Variants in COL5A2 observed in about 807,000 individuals in gnomAD.
The protein encoded by COL5A2 is collagen alpha-2(V) chain.
Under a neutral mutation model 208.2 loss-of-function variants are expected in COL5A2, and 23 were observed. That is an observed-to-expected ratio of 0.11 (90% CI 0.08 to 0.16). The LOEUF is 0.16. Among genes scored for constraint, COL5A2 ranks in the 10% least tolerant of loss-of-function variants. The probability of loss-of-function intolerance (pLI) is 1.00; values close to 1 mark genes in which losing one functional copy is unlikely to be tolerated. For synonymous variants in COL5A2, 625 were observed against 628.5 expected, an observed-to-expected ratio of 0.99 and a Z score of 0.08; for missense variants, 1,590 against 1,956.4, an observed-to-expected ratio of 0.81 and a Z score of 3.53.
the COL5A2 span, among the ~76,000 whole-genome samples, chr2:189,270,904 C>T: frequency 7.2e-5 from 11 of 152,062 alleles, no homozygotes; most frequent in African/African-American, 9.7e-5. Context: ...CTCTCATTCA[C>T]AATTGCTACA....
chr2:189,339,322 G>A, the COL5A2 span, among the ~76,000 whole-genome samples: 2 of 147,060 alleles, frequency 1.4e-5, no homozygotes. Flanking sequence ...CTGCACTCCA[G>A]CCTATACAAC....
At chr2:189,266,596 T>C in the COL5A2 span, among the ~76,000 whole-genome samples, 4 of 152,038 alleles carry the variant, frequency 2.6e-5, no homozygotes, top group Admixed American at 2.6e-4. Flanking sequence ...AGTAGATTAG[T>C]GGTTGTTAGA....
the COL5A2 span, among the ~76,000 whole-genome samples, chr2:189,287,759 G>T: frequency 6.6e-6 from 1 of 152,130 alleles, no homozygotes; most frequent in Non-Finnish European, 1.5e-5. Flanking sequence ...ATCTAAAAAT[G>T]TTATATTCTA....
At chr2:189,252,174 C>T in the COL5A2 span, among the ~76,000 whole-genome samples, 86 of 152,118 alleles carry the variant, frequency 5.7e-4, 5 homozygotes, top group Non-Finnish European at 1.5e-5. Flanking sequence ...GGACTGTAAA[C>T]TAGTTCAACC....
chr2:189,384,728 C>T, the COL5A2 span, among the ~76,000 whole-genome samples: 1 of 152,210 alleles, frequency 6.6e-6, no homozygotes, highest in East Asian at 1.9e-4. Flanking sequence ...GTTTCCTTTG[C>T]TGTGGAGTAT....
At chr2:189,140,799 A>G (rs1687920452) in intron 1 of COL5A2, among the ~76,000 whole-genome samples, 1 of 152,174 alleles carries the variant, frequency 6.6e-6, no homozygotes, top group South Asian at 2.1e-4. Context: ...AGTAAGTAAT[A>G]TATTTTTCTA....
chr2:189,263,359 T>C, the COL5A2 span, among the ~76,000 whole-genome samples: 3 of 152,248 alleles, frequency 2.0e-5, no homozygotes, highest in Middle Eastern at 3.4e-3. Context: ...ATGTGTGCCA[T>C]TACAAATACA....
At chr2:189,330,160 C>T in the COL5A2 span, among the ~76,000 whole-genome samples, 6 of 152,170 alleles carry the variant, frequency 3.9e-5, no homozygotes, top group South Asian at 2.1e-4. Flanking sequence ...GTGTAGCAAA[C>T]GGCAGGGGCA....
chr2:189,264,896 G>A, the COL5A2 span, among the ~76,000 whole-genome samples: 1 of 152,086 alleles, frequency 6.6e-6, no homozygotes, highest in East Asian at 1.9e-4. Context: ...GCTGAAGTGT[G>A]AAAGAAAAAT....
At chr2:189,285,759 A>T in the COL5A2 span, among the ~76,000 whole-genome samples, 1 of 152,292 alleles carries the variant, frequency 6.6e-6, no homozygotes, top group African/African-American at 2.4e-5. Flanking sequence ...CCCTGAAGAG[A>T]TGCCTTTGAT....
the COL5A2 span, among the ~76,000 whole-genome samples, chr2:189,231,186 G>A: frequency 3.3e-5 from 5 of 149,686 alleles, no homozygotes; most frequent in Admixed American, 1.3e-4. Flanking sequence ...GGGAAAATGA[G>A]GAGTTTCTTT....
intron 1 of COL5A2, among the ~76,000 whole-genome samples, chr2:189,138,915 A>T (rs1687877880): frequency 6.6e-6 from 1 of 152,246 alleles, no homozygotes; most frequent in African/African-American, 2.4e-5. Flanking sequence ...AAAATAGAAT[A>T]GGACAAATCT....
intron 41 of COL5A2, among the ~76,000 whole-genome samples, 167 bp from the exon 42 acceptor site, chr2:189,051,648 A>T (rs1048554100): frequency 1.7e-5 from 2 of 119,248 alleles, no homozygotes; most frequent in Non-Finnish European, 3.8e-5. Flanking sequence ...AAAACAAAAG[A>T]AAACACAGCT....
intron 45 of COL5A2, among the ~76,000 whole-genome samples, chr2:189,047,779 T>G (rs1216088656): frequency 2.0e-5 from 3 of 152,200 alleles, no homozygotes; most frequent in Non-Finnish European, 4.4e-5. Flanking sequence ...ACATTCTAAT[T>G]TAAAACACAT....
Position 189,066,752 on chromosome 2 carries a change from C to T in COL5A2, c.1432G>A (p.Glu478Lys), listed in dbSNP as rs1435106592. Residue 478 changes from glutamate (E) to lysine (K), a missense_variant, in exon 22 of 54, where the codon GAA becomes AAA. Transcript: ENST00000374866. ...ACTGGTTCCCCTTTTGGGCCAGCTT[C>T]TCCTTTGAAACCTGGAACTCCTGGA... ...GDPGVPGFKG[E>K]AGPKGEPGPH... is the part of the protein sequence containing the mutation. The T allele has an allele frequency of 1.2e-6, 2 of 1,613,698 alleles. No individual in the cohort carries two copies. Among genetic ancestry groups the T allele is most frequent in the African/African-American group, 1.3e-5 (1 of 75,006 alleles).
intron 31 of COL5A2, among the ~76,000 whole-genome samples, chr2:189,060,142 C>T (rs1239880456): frequency 6.6e-6 from 1 of 152,088 alleles, no homozygotes; most frequent in Non-Finnish European, 1.5e-5. Flanking sequence ...TTTCCTAAAA[C>T]CCCCAAGTCT....
the COL5A2 span, among the ~76,000 whole-genome samples, chr2:189,383,451 T>C: frequency 6.6e-6 from 1 of 152,148 alleles, no homozygotes; most frequent in Non-Finnish European, 1.5e-5. Context: ...CTAAATACAG[T>C]AAACTTGGGT....
chr2:189,285,027 C>A, the COL5A2 span, among the ~76,000 whole-genome samples: 1 of 150,344 alleles, frequency 6.7e-6, no homozygotes, highest in Non-Finnish European at 1.5e-5. Flanking sequence ...CATATGGACA[C>A]CCCTGAGTCA....
intron 1 of COL5A2, among the ~76,000 whole-genome samples, chr2:189,130,068 C>T (rs1268816701): frequency 6.6e-6 from 1 of 152,042 alleles, no homozygotes; most frequent in Non-Finnish European, 1.5e-5. Flanking sequence ...TTTCTGTCTT[C>T]TCCATGCCAG....
Sources: allele counts gnomAD v4.1 joint callset (sites outside exome capture counted in the v4.1 genomes callset), GRCh38; gene constraint gnomAD v4.1.1; transcripts MANE v1.5; gene names NCBI Gene and HGNC (gene_info 2026-07-23, HGNC 2026-07-21).